The following NDFIP2 variants were observed in gnomAD, a reference collection of about 807,000 sequenced individuals.
NDFIP2 encodes the protein NEDD4 family-interacting protein 2.
In NDFIP2, 19 loss-of-function variants were observed where a neutral mutation model predicts 36.0. That is an observed-to-expected ratio of 0.53 (90% CI 0.37 to 0.77). The LOEUF is 0.77. NDFIP2 is among the 30% of genes least tolerant of loss of function. The pLI is 0.00. For synonymous variants in NDFIP2, 181 were observed against 167.7 expected (o/e 1.08, Z -0.61); for missense variants, 446 against 435.8 (o/e 1.02, Z -0.21).
chr13:79,495,018 TTTTCTC>T (rs1310741675), intron 1 of NDFIP2, among the ~76,000 whole-genome samples: 17 of 152,016 alleles, frequency 1.1e-4, no homozygotes, highest in South Asian at 6.2e-4. Context: ...TATTTACTGT[TTTTCTC>T]TTTCTGTTAT....
intron 1 of NDFIP2, among the ~76,000 whole-genome samples, chr13:79,502,329 A>C (rs1177889048): frequency 6.6e-6 from 1 of 152,170 alleles, no homozygotes; most frequent in Non-Finnish European, 1.5e-5. Context: ...AAAAGGACAA[A>C]AGAATTCTTC....
intron 1 of NDFIP2, among the ~76,000 whole-genome samples, chr13:79,504,632 A>AAT (rs1241239410): frequency 1.2e-5 from 1 of 86,822 alleles, no homozygotes; most frequent in African/African-American, 5.6e-5. Flanking sequence ...CAGTTCTCTA[A>AAT]ATTTTTTTTT....
At chr13:79,534,760 G>A (rs1386583935) in intron 3 of NDFIP2, among the ~76,000 whole-genome samples, 1 of 152,124 alleles carries the variant, frequency 6.6e-6, no homozygotes, top group Non-Finnish European at 1.5e-5. Flanking sequence ...GTGCTTCCAT[G>A]TATGGCATTC....
intron 1 of NDFIP2, among the ~76,000 whole-genome samples, chr13:79,493,241 C>T (rs184382351): frequency 5.9e-5 from 9 of 152,196 alleles, no homozygotes; most frequent in Admixed American, 2.6e-4. Flanking sequence ...GTGTGCATGG[C>T]GATACTGGTA....
chr13:79,520,543 CATG>C (rs1417734744), intron 1 of NDFIP2, among the ~76,000 whole-genome samples: 1 of 152,100 alleles, frequency 6.6e-6, no homozygotes, highest in Non-Finnish European at 1.5e-5. Flanking sequence ...TATTTTGAAT[CATG>C]ATATTTTCTT....
chr13:79,543,068 G>A (rs1245003676), intron 4 of NDFIP2, among the ~76,000 whole-genome samples: 1 of 151,980 alleles, frequency 6.6e-6, no homozygotes, highest in African/African-American at 2.4e-5. Flanking sequence ...GTAGAGACAG[G>A]GTTTCACCAT....
At chr13:79,518,671 C>T (rs1384462701) in intron 1 of NDFIP2, among the ~76,000 whole-genome samples, 1 of 152,138 alleles carries the variant, frequency 6.6e-6, no homozygotes, top group Admixed American at 6.5e-5. Flanking sequence ...TAGATGCTTT[C>T]CAAATATTAT....
intron 1 of NDFIP2, among the ~76,000 whole-genome samples, chr13:79,485,441 G>T (rs185222732): frequency 2.1e-4 from 32 of 152,302 alleles, no homozygotes; most frequent in African/African-American, 7.7e-4. Context: ...ACATGTTCTG[G>T]ATGAGATAAT....
At chr13:79,540,903 C>G (rs1875428637) in intron 4 of NDFIP2, among the ~76,000 whole-genome samples, 1 of 152,078 alleles carries the variant, frequency 6.6e-6, no homozygotes, top group South Asian at 2.1e-4. Flanking sequence ...GTTACAATTT[C>G]TAGTTATATA....
chr13:79,547,004 A>AT (rs1191947831), intron 5 of NDFIP2, among the ~76,000 whole-genome samples: 1 of 152,018 alleles, frequency 6.6e-6, no homozygotes, highest in East Asian at 1.9e-4. Context: ...TTATGTTTTT[A>AT]GTAGTACTTT....
intron 1 of NDFIP2, among the ~76,000 whole-genome samples, chr13:79,515,782 G>A (rs1346701844): frequency 6.6e-6 from 1 of 151,996 alleles, no homozygotes; most frequent in Admixed American, 6.6e-5. Flanking sequence ...GCACAGATGA[G>A]GTAGCTCACC....
intron 1 of NDFIP2, among the ~76,000 whole-genome samples, chr13:79,491,289 A>G (rs560914454): frequency 2.0e-5 from 3 of 152,266 alleles, no homozygotes; most frequent in African/African-American, 7.2e-5. Flanking sequence ...AACCTTGCCT[A>G]TGTTATTTTA....
intron 3 of NDFIP2, 137 bp from the exon 4 acceptor site, chr13:79,539,545 C>A: frequency 1.6e-6 from 1 of 617,118 alleles, no homozygotes; most frequent in Admixed American, 2.7e-5. Context: ...TTACTCTGTG[C>A]CAGACATTGT....
At chr13:79,529,239 T>TAAAA (rs1874916486) in intron 2 of NDFIP2, among the ~76,000 whole-genome samples, 2 of 152,210 alleles carry the variant, frequency 1.3e-5, no homozygotes, top group Admixed American at 1.3e-4. Flanking sequence ...ACCACTCTTT[T>TAAAA]AAAAGGGTAG....
chr13:79,486,419 A>T (rs966414334), intron 1 of NDFIP2, among the ~76,000 whole-genome samples: 1 of 152,192 alleles, frequency 6.6e-6, no homozygotes, highest in Non-Finnish European at 1.5e-5. Context: ...TTATCAATCC[A>T]TCTATTTTTC....
At chr13:79,527,317 A>G (rs1874840632) in intron 2 of NDFIP2, among the ~76,000 whole-genome samples, 1 of 152,258 alleles carries the variant, frequency 6.6e-6, no homozygotes, top group Non-Finnish European at 1.5e-5. Flanking sequence ...GCAAATTTAA[A>G]AAGTAGAATA....
chr13:79,485,480 C>T (rs137911622), intron 1 of NDFIP2, among the ~76,000 whole-genome samples: 61 of 152,310 alleles, frequency 4.0e-4, no homozygotes, highest in Non-Finnish European at 7.5e-4. Flanking sequence ...ATACTCATTT[C>T]ATTTTCCACT....
intron 1 of NDFIP2, among the ~76,000 whole-genome samples, chr13:79,498,606 T>C (rs970467992): frequency 1.8e-4 from 28 of 151,932 alleles, no homozygotes; most frequent in African/African-American, 6.8e-4. Context: ...TGCCATGTCA[T>C]CCTATGTCAA....
In NDFIP2 at chr13:79,555,825, A is replaced by C. The variant is rs977063709; in HGVS notation, c.*3312A>C. The C allele has an allele frequency of 6.6e-6, 1 of 152,118 alleles. No homozygotes were observed. The highest frequency in any genetic ancestry group is 2.4e-5 in the African/African-American group (1 of 41,440). 9.4% of individuals were successfully genotyped at this position (152,118 alleles called of 1,614,324 possible). On this transcript the variant is annotated 3_prime_UTR_variant, in exon 8 of 8. Coordinates refer to ENST00000218652, the MANE Select transcript of NDFIP2 (RefSeq NM_019080.3). ...ATGCTGGCATGTATTTTACTTGTTA[A>C]TAAAGTTGTATAGATGTGGAAGTGT...
Sources: gnomAD v4.1 joint callset for allele counts (sites outside exome capture counted in the v4.1 genomes callset) on GRCh38, gnomAD v4.1.1 for gene constraint, MANE v1.5 for transcripts, NCBI Gene and HGNC (gene_info 2026-07-23, HGNC 2026-07-21) for gene names.